Variants in DOCK7 observed in about 807,000 individuals in gnomAD.
DOCK7 encodes dedicator of cytokinesis 7.
A neutral mutation model predicts 271.0 loss-of-function variants in DOCK7; 138 were observed. That is an observed-to-expected ratio of 0.51 (90% CI 0.44 to 0.59). The LOEUF is 0.59. Among genes scored for constraint, DOCK7 ranks in the 20% least tolerant of loss-of-function variants. DOCK7 has a pLI of 0.00. For missense variants in DOCK7, 2,066 were observed against 2,592.4 expected (o/e 0.80, Z 4.41); for synonymous variants, 823 against 876.1 (o/e 0.94, Z 1.07).
At chr1:62,523,883 A>G (rs1009799408) in intron 31 of DOCK7, among the ~76,000 whole-genome samples, 2 of 152,178 alleles carry the variant, frequency 1.3e-5, no homozygotes, top group Non-Finnish European at 2.9e-5. Flanking sequence ...AAATAAATAA[A>G]TAAATAAAAA....
At chr1:62,474,408 T>C (rs1384608200) in intron 47 of DOCK7, among the ~76,000 whole-genome samples, 3 of 152,250 alleles carry the variant, frequency 2.0e-5, no homozygotes, top group Non-Finnish European at 4.4e-5. Context: ...ATGTAAAAGT[T>C]GTCAAGCTAC....
At chr1:62,591,507 A>G (rs1648446563) in intron 14 of DOCK7, among the ~76,000 whole-genome samples, 1 of 152,152 alleles carries the variant, frequency 6.6e-6, no homozygotes, top group Non-Finnish European at 1.5e-5. Context: ...TAAAAAAAGT[A>G]TTAATCTACA....
At chr1:62,653,574 G>A (rs1288186362) in intron 4 of DOCK7, 151 bp downstream of exon 4, 4 of 586,854 alleles carry the variant, frequency 6.8e-6, no homozygotes, top group Non-Finnish European at 1.2e-5. Context: ...ATCCTAAGGA[G>A]TAAATATCTA....
intron 7 of DOCK7, among the ~76,000 whole-genome samples, chr1:62,638,591 T>A (rs961522322): frequency 5.3e-4 from 79 of 148,900 alleles, no homozygotes; most frequent in Non-Finnish European, 9.2e-4. Context: ...GAATATATAT[T>A]TTCATGAATA....
chr1:62,626,930 T>G lies in DOCK7; in HGVS notation c.1283-1529A>C, dbSNP rs1233390497. ...CTGATACCAAAACCAGACAGAGTCA[T>G]CAAAAGAAAGAAAAACTACAGACTA... On this transcript the variant is annotated intron_variant, in intron 11 of 49. Coordinates refer to ENST00000635253, the MANE Select transcript of DOCK7 (RefSeq NM_001367561.1). Among the ~76,000 whole-genome samples the G allele has an allele frequency of 2.6e-5, 4 of 151,958 alleles. No homozygotes were observed. In the East Asian group the frequency reaches 7.7e-4, roughly 29 times the overall value.
chr1:62,676,913 A>C (rs1343961384), intron 1 of DOCK7, among the ~76,000 whole-genome samples: 1 of 152,194 alleles, frequency 6.6e-6, no homozygotes, highest in Admixed American at 6.5e-5. Flanking sequence ...TCTAGGCTAA[A>C]CTGTAAAAAG....
chr1:62,528,341 G>A (rs1645076830), intron 30 of DOCK7, 36 bp from the exon 31 acceptor site: 1 of 1,556,926 alleles, frequency 6.4e-7, no homozygotes, highest in African/African-American at 1.4e-5. Flanking sequence ...AAATAAAACT[G>A]TTTAGCTGAA....
chr1:62,520,554 T>C (rs1192589622), intron 31 of DOCK7, among the ~76,000 whole-genome samples: 2 of 152,136 alleles, frequency 1.3e-5, no homozygotes, highest in African/African-American at 4.8e-5. Context: ...TGAGATACCA[T>C]ACCATCTCAC....
intron 11 of DOCK7, among the ~76,000 whole-genome samples, chr1:62,625,611 A>C (rs972634842): frequency 6.6e-6 from 1 of 152,194 alleles, no homozygotes; most frequent in African/African-American, 2.4e-5. Flanking sequence ...TGTAAAAATA[A>C]GTTTCTAACA....
intron 46 of DOCK7, 103 bp from the exon 47 acceptor site, chr1:62,475,454 A>G: frequency 7.3e-7 from 1 of 1,363,560 alleles, no homozygotes; most frequent in Non-Finnish European, 9.9e-7. Context: ...ATCAATTGTA[A>G]ACTTTCATGT....
At chr1:62,634,952 A>C (rs200710033) in intron 8 of DOCK7, 30 bp from the exon 9 acceptor site, 48 of 1,494,264 alleles carry the variant, frequency 3.2e-5, no homozygotes, top group Non-Finnish European at 4.3e-5. Context: ...TAAACTTTAA[A>C]ATATGTACAT....
chr1:62,463,701 TAAAGTTA>T (rs532562617), intron 48 of DOCK7, among the ~76,000 whole-genome samples: 26 of 134,814 alleles, frequency 1.9e-4, no homozygotes, highest in African/African-American at 6.7e-4. Flanking sequence ...TATACACTGT[TAAAGTTA>T]AAAAAATGCA....
At chr1:62,630,388 C>G (rs1278128000) in intron 11 of DOCK7, among the ~76,000 whole-genome samples, 1 of 152,160 alleles carries the variant, frequency 6.6e-6, no homozygotes, top group Non-Finnish European at 1.5e-5. Context: ...ATGTCTCATT[C>G]TCTGGCTCCC....
chr1:62,598,141 T>A (rs1649564340), intron 14 of DOCK7: 2 of 1,291,764 alleles, frequency 1.5e-6, no homozygotes, highest in Non-Finnish European at 2.1e-6. Context: ...GGCATGCCAT[T>A]TGAAATACTT....
intron 48 of DOCK7, among the ~76,000 whole-genome samples, chr1:62,463,992 T>A (rs960146958): frequency 6.6e-6 from 1 of 152,146 alleles, no homozygotes; most frequent in African/African-American, 2.4e-5. Flanking sequence ...AAAAACGTTT[T>A]AAAAAAACAA....
chr1:62,603,262 A>G (rs1650424733), intron 14 of DOCK7, among the ~76,000 whole-genome samples: 2 of 151,740 alleles, frequency 1.3e-5, no homozygotes, highest in Non-Finnish European at 1.5e-5. Flanking sequence ...CTTAAAATGA[A>G]GCTTCCTACT....
intron 1 of DOCK7, among the ~76,000 whole-genome samples, chr1:62,681,550 T>TA (rs1237907928): frequency 1.3e-4 from 1 of 7,782 alleles, no homozygotes; most frequent in East Asian, 9.4e-3. Context: ...ATAAAAAAAA[T>TA]AAAATAAAAA....
chr1:62,650,536 A>C (rs914614290), intron 4 of DOCK7, among the ~76,000 whole-genome samples: 1 of 152,172 alleles, frequency 6.6e-6, no homozygotes, highest in Non-Finnish European at 1.5e-5. Context: ...AATTTTTGCA[A>C]TCTACTCATC....
intron 37 of DOCK7, among the ~76,000 whole-genome samples, chr1:62,499,818 T>C (rs1646727879): frequency 6.6e-6 from 1 of 151,956 alleles, no homozygotes; most frequent in Non-Finnish European, 1.5e-5. Context: ...GTTTTGAGGC[T>C]GCAATGAGCT....
Sources: gnomAD v4.1 joint callset for allele counts (sites outside exome capture counted in the v4.1 genomes callset) on GRCh38, gnomAD v4.1.1 for gene constraint, MANE v1.5 for transcripts, NCBI Gene and HGNC (gene_info 2026-07-23, HGNC 2026-07-21) for gene names.